Variants in DCC observed in about 807,000 individuals in gnomAD.
The protein encoded by DCC is DCC netrin 1 receptor.
In DCC, 58 loss-of-function variants were observed where a neutral mutation model predicts 172.5. The ratio of observed to expected loss-of-function variants is 0.34; its 90% CI spans 0.27 to 0.42. The LOEUF (loss-of-function observed/expected upper bound fraction) is 0.42. Ranked by LOEUF, DCC falls within the 10% of genes least tolerant of loss-of-function variation. DCC has a pLI of 1.00. For synonymous variants in DCC, 709 were observed against 644.5 expected, an observed-to-expected ratio of 1.10 and a Z score of -1.52; for missense variants, 1,740 against 1,791.0, an observed-to-expected ratio of 0.97 and a Z score of 0.51.
At chr18:52,462,181 G>A (rs150895334) in intron 1 of DCC, among the ~76,000 whole-genome samples, 65 of 152,216 alleles carry the variant, frequency 4.3e-4, no homozygotes, top group African/African-American at 1.5e-3. Flanking sequence ...TGTATTTATG[G>A]CAATAACCTC....
chr18:53,457,654 G>A (rs1211691040), intron 23 of DCC, among the ~76,000 whole-genome samples: 2 of 152,162 alleles, frequency 1.3e-5, no homozygotes, highest in Non-Finnish European at 2.9e-5. Flanking sequence ...TCAGTTTGCC[G>A]TGGGCAAGTG....
intron 1 of DCC, among the ~76,000 whole-genome samples, chr18:52,467,656 T>C (rs1002758103): frequency 6.6e-6 from 1 of 152,172 alleles, no homozygotes; most frequent in Non-Finnish European, 1.5e-5. Context: ...TAATTTACAT[T>C]CCCACCAACA....
Position 52,679,185 on chromosome 18 carries a change from A to G in DCC, c.92-72869A>G, listed in dbSNP as rs1202352030. Among the ~76,000 whole-genome samples, 3 of 152,108 alleles carry G rather than the reference A, an allele frequency of 2.0e-5. No homozygotes were observed. In the East Asian group the frequency reaches 5.8e-4, roughly 29 times the overall value. Reference sequence around the variant, plus strand: ...AACTTCACTATAAATAATAACATTTAGTAAGTGGTGATATGAAGGAATGCA... The same window carrying G: ...AACTTCACTATAAATAATAACATTTGGTAAGTGGTGATATGAAGGAATGCA... On this transcript the variant is annotated intron_variant, in intron 1 of 28. Transcript: ENST00000442544.
In DCC at chr18:52,842,182, TTTTTCC is replaced by T. The variant is rs142562085; in HGVS notation, c.413-63858_413-63853del. Among the ~76,000 whole-genome samples the T allele has an allele frequency of 2.2e-3, 328 of 152,284 alleles. 6 individuals carry two copies. The East Asian group carries it at 0.043, about 20-fold the overall frequency. ...GCTTCCTTTCAAACATAATTTCTTG[TTTTTCC>T]TTTAGTCATGAGTTTAGTAAGGGAA... On this transcript the variant is annotated intron_variant, in intron 2 of 28. Coordinates refer to ENST00000442544, the MANE Select transcript of DCC (RefSeq NM_005215.4).
chr18:53,152,872 TA>T (rs2054665005), intron 7 of DCC, among the ~76,000 whole-genome samples: 1 of 152,236 alleles, frequency 6.6e-6, no homozygotes, highest in Admixed American at 6.5e-5. Flanking sequence ...TCCTCCGTTT[TA>T]ATATAACGCC....
intron 15 of DCC, among the ~76,000 whole-genome samples, chr18:53,382,014 T>C (rs148274128): frequency 6.6e-6 from 1 of 150,744 alleles, no homozygotes; most frequent in Non-Finnish European, 1.5e-5. Flanking sequence ...GTGGCTCTCA[T>C]ACACTGTAGC....
intron 7 of DCC, among the ~76,000 whole-genome samples, chr18:53,087,799 T>C (rs2042937513): frequency 6.6e-6 from 1 of 152,154 alleles, no homozygotes; most frequent in Non-Finnish European, 1.5e-5. Context: ...AGGAAGGGGT[T>C]CAGTTTCAGC....
chr18:53,025,791 A>G (rs1159371354), intron 5 of DCC, among the ~76,000 whole-genome samples: 1 of 107,072 alleles, frequency 9.3e-6, no homozygotes, highest in East Asian at 2.2e-4. Flanking sequence ...GGCAAAAACT[A>G]TGATACACAC....
intron 19 of DCC, among the ~76,000 whole-genome samples, chr18:53,409,929 C>T (rs974236056): frequency 3.9e-5 from 6 of 152,116 alleles, no homozygotes; most frequent in South Asian, 2.1e-4. Context: ...GCAGCTTCAC[C>T]GTCTGTGAAA....
intron 7 of DCC, among the ~76,000 whole-genome samples, chr18:53,092,964 C>A (rs991672118): frequency 8.2e-6 from 1 of 122,184 alleles, no homozygotes; most frequent in Non-Finnish European, 1.7e-5. Context: ...ATATGAACAA[C>A]TGCATTACTA....
intron 1 of DCC, among the ~76,000 whole-genome samples, chr18:52,473,418 T>C (rs2144565361): frequency 6.6e-6 from 1 of 152,344 alleles, no homozygotes; most frequent in Non-Finnish European, 1.5e-5. Flanking sequence ...AATTTCACTG[T>C]ATTAATCTGT....
intron 1 of DCC, among the ~76,000 whole-genome samples, chr18:52,383,002 T>C (rs944637906): frequency 6.6e-6 from 1 of 152,162 alleles, no homozygotes; most frequent in African/African-American, 2.4e-5. Flanking sequence ...TTGTATGATA[T>C]AGGCATATTA....
intron 7 of DCC, among the ~76,000 whole-genome samples, chr18:53,102,629 G>A (rs1316817847): frequency 6.6e-6 from 1 of 152,040 alleles, no homozygotes; most frequent in African/African-American, 2.4e-5. Context: ...GAAATCTAAA[G>A]GTCAGACCAC....
chr18:53,304,156 G>A (rs1222137989), intron 12 of DCC, among the ~76,000 whole-genome samples: 5 of 152,006 alleles, frequency 3.3e-5, no homozygotes, highest in Non-Finnish European at 7.4e-5. Flanking sequence ...GGTTAATATG[G>A]GTACAGGATA....
chr18:52,687,687 A>T (rs4940208), intron 1 of DCC, among the ~76,000 whole-genome samples: 150,915 of 152,244 alleles, frequency 0.99, 74,812 homozygotes, highest in East Asian at 1. Context: ...AAGCAGAATT[A>T]TTTTAAAAAG....
chr18:52,837,980 G>C (rs889531901), intron 2 of DCC, among the ~76,000 whole-genome samples: 4 of 152,134 alleles, frequency 2.6e-5, no homozygotes, highest in African/African-American at 9.7e-5. Context: ...GAAGGGGGAA[G>C]CCCTTTATAA....
chr18:52,500,194 C>G (rs868532997), intron 1 of DCC, among the ~76,000 whole-genome samples: 2 of 151,982 alleles, frequency 1.3e-5, no homozygotes, highest in Middle Eastern at 3.4e-3. Context: ...ACATTTGCCA[C>G]AAACTGGTTG....
At chr18:52,539,897 CA>C (rs2032390515) in intron 1 of DCC, among the ~76,000 whole-genome samples, 1 of 151,870 alleles carries the variant, frequency 6.6e-6, no homozygotes, top group Non-Finnish European at 1.5e-5. Context: ...AAATAAACAA[CA>C]ACAACAAAAA....
At chr18:52,791,104 G>A (rs2037757942) in intron 2 of DCC, among the ~76,000 whole-genome samples, 1 of 152,154 alleles carries the variant, frequency 6.6e-6, no homozygotes, top group South Asian at 2.1e-4. Flanking sequence ...GAATGAAAGG[G>A]CCAGGATGCT....
Sources: gnomAD v4.1 joint callset for allele counts (sites outside exome capture counted in the v4.1 genomes callset) on GRCh38, gnomAD v4.1.1 for gene constraint, MANE v1.5 for transcripts, NCBI Gene and HGNC (gene_info 2026-07-23, HGNC 2026-07-21) for gene names.